The following RARB variants were observed in gnomAD, a reference collection of about 807,000 sequenced individuals.
RARB encodes retinoic acid receptor beta.
RARB carries 17 observed loss-of-function variants against 51.9 expected under a neutral mutation model. That is an observed-to-expected ratio of 0.33 (90% CI 0.22 to 0.49). The LOEUF (loss-of-function observed/expected upper bound fraction) is 0.49, where lower values mean the gene tolerates loss of function less well. RARB is among the 20% of genes least tolerant of loss of function. RARB has a pLI of 0.99. For synonymous variants in RARB, 215 were observed against 195.4 expected, an observed-to-expected ratio of 1.10 and a Z score of -0.84; for missense variants, 369 against 550.8, an observed-to-expected ratio of 0.67 and a Z score of 3.30.
intron 3 of RARB, among the ~76,000 whole-genome samples, chr3:25,127,539 T>C (rs1030924546): frequency 1.3e-5 from 2 of 152,158 alleles, no homozygotes; most frequent in African/African-American, 4.8e-5. Context: ...GTACCATTTT[T>C]TGCATCTGTT....
chr3:25,270,725 G>T (rs1372092859), intron 5 of RARB, among the ~76,000 whole-genome samples: 5 of 152,202 alleles, frequency 3.3e-5, no homozygotes, highest in Non-Finnish European at 7.4e-5. Flanking sequence ...ATCCCTTGAA[G>T]TAGTGCTATT....
intron 5 of RARB, 44 bp downstream of exon 5, chr3:25,580,766 A>G: frequency 1.3e-6 from 2 of 1,521,206 alleles, no homozygotes; most frequent in South Asian, 2.5e-5. Context: ...GGAGGGAGAG[A>G]GGGCACCGTG....
chr3:25,294,712 G>C (rs1456069325), intron 5 of RARB, among the ~76,000 whole-genome samples: 1 of 87,246 alleles, frequency 1.1e-5, no homozygotes, highest in African/African-American at 7.2e-5. Context: ...CCTTCCAACG[G>C]CCCGTTGGCG....
intron 2 of RARB, among the ~76,000 whole-genome samples, chr3:24,938,295 T>C (rs983988337): frequency 6.6e-6 from 1 of 152,194 alleles, no homozygotes; most frequent in Non-Finnish European, 1.5e-5. Context: ...AACATCTCCA[T>C]GACGGCCCTA....
In RARB at chr3:24,877,346, C is replaced by CTTTTTTTTTTTTTTTTTTTTTT. The variant is rs66976672; in HGVS notation, c.-380+18611_-380+18612insTTTTTTTTTTTTTTTTTTTTTT. On this transcript the variant is annotated intron_variant, in intron 2 of 11. Transcript: ENST00000383772. ...ATAGTAATTTTTTAAAGCAATCTTA[C>CTTTTTTTTTTTTTTTTTTTTTT]TTTTTTTTTTTTTTTTTGGAAAATT... is the stretch of plus-strand genomic sequence containing the variant. Among the ~76,000 whole-genome samples, 201 of 81,886 alleles carry CTTTTTTTTTTTTTTTTTTTTTT rather than the reference C, an allele frequency of 2.5e-3. 35 individuals are homozygous for CTTTTTTTTTTTTTTTTTTTTTT. The highest frequency in any genetic ancestry group is 0.011 in the East Asian group (27 of 2,450). The allele number at this position is 81,886 out of a possible 152,430, so 53.7% of individuals were successfully genotyped here.
chr3:24,838,692 T>C lies in RARB; in HGVS notation c.-459+9289T>C, dbSNP rs186387352. On this transcript the variant is annotated intron_variant, in intron 1 of 11. Coordinates refer to the RARB transcript ENST00000383772. ...GTAAGCTTAAATAAACAAAGAATACTTCATGTACTGGGATGGAACATTCAA... is the reference window on the plus strand; with the variant it reads ...GTAAGCTTAAATAAACAAAGAATACCTCATGTACTGGGATGGAACATTCAA... 6.4e-3 allele frequency among the ~76,000 whole-genome samples: 969 copies of C among 152,276 alleles called. 8 individuals are homozygous for C. The highest frequency in any genetic ancestry group is 0.017 in the Middle Eastern group (5 of 294).
rs143306518 is a variant in RARB, at chr3:25,290,260, A to G, written c.178+115685A>G. On this transcript the variant is annotated intron_variant, in intron 5 of 11. Coordinates refer to the RARB transcript ENST00000383772. ...GAAGCAATCTAGCTAAAATGAAATC[A>G]TTAATCCAATAGGACTAACATCCTT... 1.3e-3 allele frequency among the ~76,000 whole-genome samples: 204 copies of G among 152,300 alleles called. 1 individual carries two copies. The highest frequency in any genetic ancestry group is 4.8e-3 in the African/African-American group (198 of 41,552).
intron 3 of RARB, among the ~76,000 whole-genome samples, chr3:25,077,868 G>A (rs1328185372): frequency 2.0e-5 from 3 of 151,998 alleles, no homozygotes; most frequent in African/African-American, 2.4e-5. Context: ...GTGATTCTTC[G>A]TAATTGTAGC....
chr3:24,912,360 T>G (rs1018734923), intron 2 of RARB, among the ~76,000 whole-genome samples: 2 of 152,200 alleles, frequency 1.3e-5, no homozygotes, highest in African/African-American at 4.8e-5. Flanking sequence ...CGTATTGTTA[T>G]GAAGAATATG....
intron 2 of RARB, among the ~76,000 whole-genome samples, chr3:24,928,296 T>C (rs1258319775): frequency 6.6e-6 from 1 of 152,016 alleles, no homozygotes. Flanking sequence ...ACATGCCTTT[T>C]GTACCAAAAG....
chr3:25,328,001 T>C (rs541458062), intron 5 of RARB, among the ~76,000 whole-genome samples: 8 of 152,218 alleles, frequency 5.3e-5, no homozygotes, highest in Non-Finnish European at 1.2e-4. Flanking sequence ...ACAGTACTTA[T>C]AAACACTATT....
intron 3 of RARB, among the ~76,000 whole-genome samples, chr3:25,068,245 C>T (rs1343647662): frequency 1.3e-5 from 2 of 150,946 alleles, no homozygotes; most frequent in Admixed American, 6.6e-5. Flanking sequence ...ACCTCCCCCA[C>T]CCACAACCCC....
At chr3:25,324,504 A>T (rs770900096) in intron 5 of RARB, 1 of 158,808 alleles carries the variant, frequency 6.3e-6, no homozygotes, top group Admixed American at 6.5e-5. Flanking sequence ...GAAGAGCAAA[A>T]TGATCTATGC....
chr3:24,946,688 G>A (rs1695783228), intron 2 of RARB, among the ~76,000 whole-genome samples: 1 of 152,038 alleles, frequency 6.6e-6, no homozygotes, highest in Non-Finnish European at 1.5e-5. Flanking sequence ...AGGCAACATA[G>A]TGAGATCCTG....
intron 3 of RARB, among the ~76,000 whole-genome samples, chr3:25,110,797 C>A (rs1465231706): frequency 6.6e-6 from 1 of 152,114 alleles, no homozygotes; most frequent in Non-Finnish European, 1.5e-5. Flanking sequence ...TTCTTAATTA[C>A]CCCACTCAAA....
At chr3:25,286,313 C>T (rs1021428029) in intron 5 of RARB, among the ~76,000 whole-genome samples, 1 of 152,144 alleles carries the variant, frequency 6.6e-6, no homozygotes, top group Non-Finnish European at 1.5e-5. Context: ...TGGTCTCGAT[C>T]TCCTGACCTC....
intron 3 of RARB, among the ~76,000 whole-genome samples, chr3:25,084,853 C>T (rs1699076440): frequency 6.6e-6 from 1 of 151,348 alleles, no homozygotes; most frequent in African/African-American, 2.4e-5. Context: ...ATTTTGAGTA[C>T]ATTTTAAAAG....
At chr3:24,954,514 T>C (rs1695967166) in intron 2 of RARB, among the ~76,000 whole-genome samples, 1 of 152,176 alleles carries the variant, frequency 6.6e-6, no homozygotes, top group South Asian at 2.1e-4. Context: ...TCTTACAGAT[T>C]TAAAAGTTGG....
At chr3:25,129,504 G>A (rs1575173712) in intron 3 of RARB, among the ~76,000 whole-genome samples, 1 of 152,088 alleles carries the variant, frequency 6.6e-6, no homozygotes, top group African/African-American at 2.4e-5. Flanking sequence ...AGATTCAATA[G>A]CCTCATTTAA....
Sources: gnomAD v4.1 joint callset for allele counts (sites outside exome capture counted in the v4.1 genomes callset) on GRCh38, gnomAD v4.1.1 for gene constraint, MANE v1.5 for transcripts, NCBI Gene and HGNC (gene_info 2026-07-23, HGNC 2026-07-21) for gene names.